The following EIF4E variants were observed in gnomAD, a reference collection of about 807,000 sequenced individuals.
The protein encoded by EIF4E is eIF-4F 25 kDa subunit.
For missense variants in EIF4E, 113 were observed against 265.6 expected, an observed-to-expected ratio of 0.43 and a Z score of 3.99; for synonymous variants, 71 against 88.5, an observed-to-expected ratio of 0.80 and a Z score of 1.11.
At chr4:98,890,051 G>C (rs1261520779) in intron 3 of EIF4E, among the ~76,000 whole-genome samples, 1 of 152,146 alleles carries the variant, frequency 6.6e-6, no homozygotes. Flanking sequence ...ACTCTCAAAT[G>C]AATGTTCTCA....
rs1219335596 is a variant in EIF4E at position 98,879,689 on chromosome 4, T to C, written c.*1339A>G. On this transcript the variant is annotated 3_prime_UTR_variant, in exon 7 of 7. Transcript: ENST00000450253. ...TACACTATCATTTTGACACTTAACA[T>C]AGAAACAACTCAATTCAGCAACCAA... is the stretch of plus-strand genomic sequence containing the variant. 1.3e-5 allele frequency: 2 copies of C among 152,140 alleles called. No homozygotes were observed. Among genetic ancestry groups the C allele is most frequent in the Non-Finnish European group, 2.9e-5 (2 of 67,992 alleles). 9.4% of individuals were successfully genotyped at this position (152,140 alleles called of 1,614,324 possible).
At chr4:98,891,897 A>T (rs1303221887) in intron 2 of EIF4E, among the ~76,000 whole-genome samples, 2 of 152,238 alleles carry the variant, frequency 1.3e-5, no homozygotes, top group African/African-American at 2.4e-5. Context: ...AAAGATATGT[A>T]TGTTATGTCT....
At chr4:98,927,654 C>CAAAAAAAAAAAAAAAAAAAAA (rs774720176) in intron 1 of EIF4E, among the ~76,000 whole-genome samples, 1 of 35,050 alleles carries the variant, frequency 2.9e-5, no homozygotes, top group Non-Finnish European at 5.4e-5. Flanking sequence ...GACTCCATCT[C>CAAAAAAAAAAAAAAAAAAAAA]AAAAAAAAAA....
intron 1 of EIF4E, among the ~76,000 whole-genome samples, chr4:98,902,912 G>A (rs1382745818): frequency 6.6e-6 from 1 of 152,172 alleles, no homozygotes; most frequent in Non-Finnish European, 1.5e-5. Context: ...AGCCAATGAT[G>A]CGCAGGTCTT....
At chr4:98,907,954 T>C (rs1724948310) in intron 1 of EIF4E, among the ~76,000 whole-genome samples, 1 of 152,208 alleles carries the variant, frequency 6.6e-6, no homozygotes, top group Admixed American at 6.5e-5. Flanking sequence ...AAATGCGGCA[T>C]ACTGAACTAG....
At chr4:98,912,330 A>C (rs1287403389) in intron 1 of EIF4E, among the ~76,000 whole-genome samples, 1 of 151,950 alleles carries the variant, frequency 6.6e-6, no homozygotes, top group Admixed American at 6.6e-5. Context: ...TAATCCCAAC[A>C]CTTTGGGAGG....
chr4:98,909,898 T>C (rs1268572605), intron 1 of EIF4E: 6 of 584,740 alleles, frequency 1.0e-5, no homozygotes, highest in Non-Finnish European at 1.8e-5. Flanking sequence ...AGGGTAATCA[T>C]GGAGGAGGCG....
chr4:98,896,822 T>C (rs895023440), intron 2 of EIF4E, among the ~76,000 whole-genome samples: 2 of 151,484 alleles, frequency 1.3e-5, no homozygotes, highest in African/African-American at 4.9e-5. Flanking sequence ...CAAAAAATAC[T>C]AAAATGGTGG....
intron 1 of EIF4E, among the ~76,000 whole-genome samples, chr4:98,909,224 C>T (rs1301659953): frequency 6.6e-6 from 1 of 152,130 alleles, no homozygotes. Context: ...CACTAAATAC[C>T]CATTGGTCAA....
At chr4:98,928,501 GC>G (rs1721320712) in intron 1 of EIF4E, among the ~76,000 whole-genome samples, 1 of 151,982 alleles carries the variant, frequency 6.6e-6, no homozygotes, top group Non-Finnish European at 1.5e-5. Context: ...ACTCCCCTAA[GC>G]GAGGTCGAAG....
intron 2 of EIF4E, among the ~76,000 whole-genome samples, chr4:98,900,918 C>T (rs1244860431): frequency 6.6e-6 from 1 of 152,216 alleles, no homozygotes; most frequent in African/African-American, 2.4e-5. Context: ...TCTCGTTTCT[C>T]ATTCTCAGTC....
intron 1 of EIF4E, among the ~76,000 whole-genome samples, chr4:98,918,995 A>G (rs1725527408): frequency 6.6e-6 from 1 of 152,138 alleles, no homozygotes; most frequent in Non-Finnish European, 1.5e-5. Context: ...AGTACTGTCT[A>G]TTTACACACA....
intron 3 of EIF4E, chr4:98,890,867 G>T: frequency 4.1e-6 from 1 of 244,368 alleles, no homozygotes; most frequent in Non-Finnish European, 7.9e-6. Context: ...ATATTGCACT[G>T]AAAACAGTTT....
At chr4:98,928,928 C>T (rs1222023570) in intron 1 of EIF4E, 167 bp downstream of exon 1, 1 of 1,573,950 alleles carries the variant, frequency 6.4e-7, no homozygotes, top group Non-Finnish European at 8.6e-7. Flanking sequence ...CCTCGGCCAT[C>T]CTCCGGGACG....
chr4:98,902,974 A>G (rs560091503), intron 1 of EIF4E, among the ~76,000 whole-genome samples: 2 of 152,352 alleles, frequency 1.3e-5, no homozygotes, highest in African/African-American at 4.8e-5. Context: ...TCGGCAACTT[A>G]ATATTTTCAA....
chr4:98,925,227 G>C (rs1054056251), intron 1 of EIF4E, among the ~76,000 whole-genome samples: 1 of 152,066 alleles, frequency 6.6e-6, no homozygotes, highest in Non-Finnish European at 1.5e-5. Flanking sequence ...AAATTCAAGA[G>C]CTACAATGTA....
At position 98,879,792 on chromosome 4, in the gene EIF4E, G is replaced by A. The variant is rs889647311; in HGVS notation, c.*1236C>T. ...TCTCATGAGTATTAACATATTAAGAGAGTACATTATTTACCTAAGACTGAA... is the reference window on the plus strand; with the variant it reads ...TCTCATGAGTATTAACATATTAAGAAAGTACATTATTTACCTAAGACTGAA... On this transcript the variant is annotated 3_prime_UTR_variant, in exon 7 of 7. Transcript: ENST00000450253. The A allele has an allele frequency of 3.3e-5, 5 of 152,080 alleles. No homozygotes were observed. The highest frequency in any genetic ancestry group is 1.2e-4 in the African/African-American group (5 of 41,424). 9.4% of individuals were successfully genotyped at this position (152,080 alleles called of 1,614,324 possible).
intron 2 of EIF4E, among the ~76,000 whole-genome samples, chr4:98,896,486 C>CAAAAAAAAAAAA (rs59729154): frequency 5.1e-5 from 2 of 39,012 alleles, no homozygotes; most frequent in African/African-American, 2.4e-4. Context: ...CCGCATCTCT[C>CAAAAAAAAAAAA]AAAAAAAAAA....
intron 1 of EIF4E, among the ~76,000 whole-genome samples, chr4:98,906,898 A>C (rs1452971476): frequency 6.6e-6 from 1 of 152,186 alleles, no homozygotes; most frequent in African/African-American, 2.4e-5. Flanking sequence ...TCATCTTAAA[A>C]TGGGCATTGT....
Sources: gnomAD v4.1 joint callset for allele counts (sites outside exome capture counted in the v4.1 genomes callset) on GRCh38, gnomAD v4.1.1 for gene constraint, MANE v1.5 for transcripts, NCBI Gene and HGNC (gene_info 2026-07-23, HGNC 2026-07-21) for gene names.